Variants in THSD7A observed in about 807,000 individuals in gnomAD.
THSD7A encodes the protein thrombospondin type-1 domain-containing protein 7A.
THSD7A carries 96 observed loss-of-function variants against 231.3 expected under a neutral mutation model. That is an observed-to-expected ratio of 0.41 (90% confidence interval 0.35 to 0.49). The LOEUF (loss-of-function observed/expected upper bound fraction) is 0.49. Among genes scored for constraint, THSD7A ranks in the 20% least tolerant of loss-of-function variants. The probability of loss-of-function intolerance (pLI) is 0.05; values close to 1 mark genes in which losing one functional copy is unlikely to be tolerated. For missense variants in THSD7A, 2,290 were observed against 2,070.2 expected, an observed-to-expected ratio of 1.11 and a Z score of -2.06; for synonymous variants, 940 against 743.3, an observed-to-expected ratio of 1.26 and a Z score of -4.30.
chr7:11,747,144 A>T lies in THSD7A; in HGVS notation c.190+84613T>A, dbSNP rs1001499088. Among the ~76,000 whole-genome samples the T allele has an allele frequency of 1.3e-5, 2 of 151,976 alleles. 1 individual carries two copies. The highest frequency in any genetic ancestry group is 1.3e-4 in the Admixed American group (2 of 15,224). On this transcript the variant is annotated intron_variant, in intron 1 of 27. Coordinates refer to ENST00000423059, the MANE Select transcript of THSD7A (RefSeq NM_015204.3). ...AAAAGAGGTTGCACTTAAAAGTGAGAATTTAAATACTATTAGGAGACATGA... is the reference window on the plus strand; with the variant it reads ...AAAAGAGGTTGCACTTAAAAGTGAGTATTTAAATACTATTAGGAGACATGA...
At chr7:11,506,992 G>T (rs1029868630) in intron 6 of THSD7A, among the ~76,000 whole-genome samples, 1 of 152,084 alleles carries the variant, frequency 6.6e-6, no homozygotes, top group Non-Finnish European at 1.5e-5. Context: ...CAGGTCAGGG[G>T]TACTGTCTGT....
chr7:11,430,619 C>T (rs964260270), intron 13 of THSD7A, among the ~76,000 whole-genome samples: 1 of 151,710 alleles, frequency 6.6e-6, no homozygotes. Context: ...GTGCCCACCA[C>T]CATGCCAGGC....
intron 16 of THSD7A, among the ~76,000 whole-genome samples, chr7:11,421,975 C>T (rs564334050): frequency 6.6e-6 from 1 of 152,196 alleles, no homozygotes; most frequent in Non-Finnish European, 1.5e-5. Context: ...ACTTTAAATT[C>T]CTTTGTTTTC....
intron 23 of THSD7A, among the ~76,000 whole-genome samples, chr7:11,390,590 T>A (rs1236877257): frequency 6.6e-6 from 1 of 152,252 alleles, no homozygotes; most frequent in Non-Finnish European, 1.5e-5. Context: ...ACCCACCTTC[T>A]GTCAATTCGT....
chr7:11,623,687 G>A (rs1481985509), intron 2 of THSD7A, among the ~76,000 whole-genome samples: 1 of 152,088 alleles, frequency 6.6e-6, no homozygotes, highest in Non-Finnish European at 1.5e-5. Flanking sequence ...CTTCGGCAGG[G>A]TCAAACCTAG....
chr7:11,739,595 T>G (rs10280252), intron 1 of THSD7A, among the ~76,000 whole-genome samples: 3,893 of 152,016 alleles, frequency 0.026, 179 homozygotes, highest in African/African-American at 0.089. Context: ...TTTGTATTTT[T>G]TTTTATAGAA....
chr7:11,529,567 C>T (rs896701473), intron 6 of THSD7A, among the ~76,000 whole-genome samples: 1 of 150,718 alleles, frequency 6.6e-6, no homozygotes, highest in Non-Finnish European at 1.5e-5. Flanking sequence ...TTGACAAGAG[C>T]TGATGGTTTT....
At chr7:11,615,812 G>A (rs578083913) in intron 2 of THSD7A, among the ~76,000 whole-genome samples, 2 of 152,122 alleles carry the variant, frequency 1.3e-5, no homozygotes, top group Non-Finnish European at 2.9e-5. Flanking sequence ...CTCACACTGT[G>A]TATTTTATCT....
intron 1 of THSD7A, among the ~76,000 whole-genome samples, chr7:11,793,319 C>T (rs1173548211): frequency 6.6e-6 from 1 of 151,820 alleles, no homozygotes; most frequent in Non-Finnish European, 1.5e-5. Flanking sequence ...AATAATTCTT[C>T]TAGTAGGTAA....
intron 1 of THSD7A, among the ~76,000 whole-genome samples, chr7:11,757,280 G>A (rs747547268): frequency 5.9e-5 from 9 of 151,944 alleles, no homozygotes; most frequent in Non-Finnish European, 8.8e-5. Flanking sequence ...AACCATATTG[G>A]TTGGCACATA....
rs756465808 is a variant in THSD7A, at chr7:11,462,115, C to A, written c.2397G>T (p.Arg799Ser). ...CTGGCAGCTGAATGATGACCCGATG[C>A]CTAGACTGCTTCCTGATACTGGAGT... ...EGDSSIRKQS[R>S]HRVIIQLPAN... Residue 799 changes from arginine (R) to serine (S), a missense_variant, in exon 10 of 28, where the codon AGG (arginine) becomes AGT (serine). Transcript: ENST00000423059. 1 of 1,613,740 alleles carries A rather than the reference C, an allele frequency of 6.2e-7. No individual in the cohort carries two copies. The highest frequency in any genetic ancestry group is 1.7e-5 in the Admixed American group (1 of 59,984).
At chr7:11,497,395 C>CATTAGTTT (rs568485954) in intron 6 of THSD7A, among the ~76,000 whole-genome samples, 230 of 152,230 alleles carry the variant, frequency 1.5e-3, no homozygotes, top group African/African-American at 5.3e-3. Flanking sequence ...TATTTTGGTG[C>CATTAGTTT]ATCTGTCAAA....
At chr7:11,744,749 T>C (rs1782227540) in intron 1 of THSD7A, among the ~76,000 whole-genome samples, 1 of 152,052 alleles carries the variant, frequency 6.6e-6, no homozygotes, top group Non-Finnish European at 1.5e-5. Context: ...GCTTCATCCA[T>C]GTCCCTACAA....
At chr7:11,777,114 C>T (rs1413002513) in intron 1 of THSD7A, among the ~76,000 whole-genome samples, 4 of 151,950 alleles carry the variant, frequency 2.6e-5, no homozygotes, top group African/African-American at 2.4e-5. Context: ...AATGTGCGAG[C>T]GAAAAATGCA....
chr7:11,554,852 T>C (rs1008130713), intron 4 of THSD7A, among the ~76,000 whole-genome samples: 12 of 151,948 alleles, frequency 7.9e-5, no homozygotes, highest in African/African-American at 2.7e-4. Flanking sequence ...GATTTTTTTA[T>C]TCTTCCCATG....
intron 1 of THSD7A, among the ~76,000 whole-genome samples, chr7:11,678,051 C>G (rs193099093): frequency 6.6e-6 from 1 of 152,066 alleles, no homozygotes; most frequent in Non-Finnish European, 1.5e-5. Context: ...CACTCAAAAA[C>G]GCAAAACTAC....
intron 1 of THSD7A, among the ~76,000 whole-genome samples, chr7:11,647,348 C>T (rs74847217): frequency 6.6e-6 from 1 of 152,188 alleles, no homozygotes; most frequent in African/African-American, 2.4e-5. Flanking sequence ...GCCAATCCTA[C>T]TTCGCCTGAG....
rs1417530758 is a variant in THSD7A, at chr7:11,831,836, C to CAGCAGG, written c.105_110dup (p.Leu39_Leu40dup). ...TGCCGGCGCCCGGGCGTAGCAGCAG[C>CAGCAGG]AGCAGGAGCAGCGGCAGCGGCAGCG... On this transcript the variant is annotated inframe_insertion, in exon 1 of 28. Transcript: ENST00000423059. The surrounding 1 kb of genome is among the most constrained non-coding windows in gnomAD (Gnocchi z 5.0). 2.1e-6 allele frequency: 3 copies of CAGCAGG among 1,397,182 alleles called. No individual in the cohort carries two copies. Among genetic ancestry groups the CAGCAGG allele is most frequent in the Non-Finnish European group, 2.8e-6 (3 of 1,070,700 alleles). The allele number at this position is 1,397,182 out of a possible 1,614,324, so 86.5% of individuals were successfully genotyped here. A position where few individuals can be genotyped will look rare whatever the true frequency, so the allele number is the denominator to read the frequency against.
At chr7:11,437,703 T>C (rs1784678747) in intron 13 of THSD7A, among the ~76,000 whole-genome samples, 1 of 152,076 alleles carries the variant, frequency 6.6e-6, no homozygotes. Flanking sequence ...CCTGGTTTAA[T>C]TAAACATGTT....
Sources: gnomAD v4.1 joint callset for allele counts (sites outside exome capture counted in the v4.1 genomes callset) on GRCh38, gnomAD v4.1.1 for gene constraint, Gnocchi (gnomAD v3.1) non-coding constraint, MANE v1.5 for transcripts, NCBI Gene and HGNC (gene_info 2026-07-23, HGNC 2026-07-21) for gene names.